The following ATP8B4 variants were observed in gnomAD, a reference collection of about 807,000 sequenced individuals.
ATP8B4 encodes the protein probable phospholipid-transporting ATPase IM.
A neutral mutation model predicts 145.6 loss-of-function variants in ATP8B4; 133 were observed. That is an observed-to-expected ratio of 0.91 (90% CI 0.79 to 1.05). The LOEUF (loss-of-function observed/expected upper bound fraction) is 1.05, where lower values mean the gene tolerates loss of function less well. ATP8B4 is among the 50% of genes least tolerant of loss of function. The probability of loss-of-function intolerance (pLI) is 0.00; values close to 1 mark genes in which losing one functional copy is unlikely to be tolerated. For synonymous variants in ATP8B4, 507 were observed against 492.9 expected (o/e 1.03, Z -0.38); for missense variants, 1,458 against 1,425.2 (o/e 1.02, Z -0.37).
chr15:50,073,010 A>G (rs2053928512), intron 3 of ATP8B4, among the ~76,000 whole-genome samples: 2 of 45,100 alleles, frequency 4.4e-5, no homozygotes, highest in African/African-American at 2.2e-4. Context: ...ATATATATAT[A>G]TATATATATA....
intron 13 of ATP8B4, among the ~76,000 whole-genome samples, chr15:49,969,797 A>G (rs2044917474): frequency 1.3e-5 from 2 of 152,174 alleles, no homozygotes; most frequent in East Asian, 3.8e-4. Flanking sequence ...CCTGATACCA[A>G]AACTGGGAAG....
intron 23 of ATP8B4, 25 bp downstream of exon 23, chr15:49,897,267 C>CAA: frequency 1.3e-6 from 2 of 1,487,172 alleles, no homozygotes; most frequent in South Asian, 2.4e-5. Context: ...AACAAACAAA[C>CAA]AAAAAAAAAC....
intron 1 of ATP8B4, among the ~76,000 whole-genome samples, chr15:50,156,097 TATATATATAA>T (rs1196713282): frequency 3.1e-4 from 8 of 25,614 alleles, no homozygotes; most frequent in South Asian, 1.1e-3. Flanking sequence ...TATATAAATA[TATATATATAA>T]ATATATATAT....
chr15:49,874,856 A>T (rs2034161740), intron 25 of ATP8B4, among the ~76,000 whole-genome samples: 2 of 152,198 alleles, frequency 1.3e-5, no homozygotes, highest in African/African-American at 4.8e-5. Flanking sequence ...TGTGATTTCA[A>T]CATTCAACTG....
intron 16 of ATP8B4, among the ~76,000 whole-genome samples, chr15:49,929,837 A>T (rs1343377573): frequency 6.6e-6 from 1 of 152,094 alleles, no homozygotes; most frequent in African/African-American, 2.4e-5. Flanking sequence ...CAGATTAATA[A>T]GGAAAAGCCA....
intron 5 of ATP8B4, among the ~76,000 whole-genome samples, chr15:50,039,325 A>AT (rs2051090327): frequency 6.6e-6 from 1 of 152,244 alleles, no homozygotes; most frequent in Non-Finnish European, 1.5e-5. Context: ...GATCTTATGA[A>AT]GTACTGAGCA....
Position 49,965,763 on chromosome 15 carries a change from G to T in ATP8B4, c.1244-3743C>A, listed in dbSNP as rs142019634. On this transcript the variant is annotated intron_variant, in intron 13 of 27. Transcript: ENST00000284509. ...ACATAACTCAGGCTACCAAGAACTT[G>T]CCCTCCCTAGGATATGGTTCTATTC... Among the ~76,000 whole-genome samples, 601 of 152,166 alleles carry T rather than the reference G, an allele frequency of 3.9e-3. 5 individuals are homozygous for T. The highest frequency in any genetic ancestry group is 0.014 in the African/African-American group (571 of 41,516).
At chr15:50,003,290 G>C (rs965532449) in intron 7 of ATP8B4, among the ~76,000 whole-genome samples, 1 of 151,662 alleles carries the variant, frequency 6.6e-6, no homozygotes, top group Non-Finnish European at 1.5e-5. Context: ...GTGTGTGTGT[G>C]TGTGTGTGTG....
At chr15:50,151,834 C>T (rs1328270845) in intron 1 of ATP8B4, among the ~76,000 whole-genome samples, 2 of 150,942 alleles carry the variant, frequency 1.3e-5, no homozygotes, top group Admixed American at 6.6e-5. Context: ...TGAACAGTTT[C>T]CAAATTTTTG....
chr15:50,124,244 C>T (rs957938068), intron 1 of ATP8B4, among the ~76,000 whole-genome samples: 21 of 152,146 alleles, frequency 1.4e-4, no homozygotes, highest in Admixed American at 6.5e-5. Context: ...GAGAAGGTAA[C>T]TCAACTCCTC....
intron 1 of ATP8B4, among the ~76,000 whole-genome samples, chr15:50,178,164 G>A (rs2044791489): frequency 6.6e-6 from 1 of 152,130 alleles, no homozygotes; most frequent in Non-Finnish European, 1.5e-5. Flanking sequence ...GGAAAAGAGG[G>A]GTCTAGGAGG....
chr15:50,080,644 G>A (rs893710283), intron 2 of ATP8B4, among the ~76,000 whole-genome samples: 9 of 151,802 alleles, frequency 5.9e-5, no homozygotes, highest in African/African-American at 2.2e-4. Context: ...TGTTGCTTAG[G>A]CTGGTCCCGA....
At chr15:50,061,541 T>C (rs1053616499) in intron 3 of ATP8B4, among the ~76,000 whole-genome samples, 15 of 152,178 alleles carry the variant, frequency 9.9e-5, no homozygotes, top group Non-Finnish European at 1.6e-4. Context: ...TTAATAAGCC[T>C]ATATAAAACT....
intron 3 of ATP8B4, among the ~76,000 whole-genome samples, chr15:50,049,327 A>G (rs1407264212): frequency 3.3e-5 from 5 of 151,968 alleles, no homozygotes; most frequent in Non-Finnish European, 7.4e-5. Flanking sequence ...AGTAATCCCC[A>G]ATGTCTATTG....
intron 1 of ATP8B4, among the ~76,000 whole-genome samples, chr15:50,163,282 T>A (rs370672680): frequency 1.3e-5 from 2 of 152,220 alleles, no homozygotes; most frequent in Non-Finnish European, 2.9e-5. Context: ...TTCCAAGTAT[T>A]CCAAGGCACT....
upstream of ATP8B4, among the ~76,000 whole-genome samples, chr15:50,120,014 A>G (rs551940840): frequency 6.6e-6 from 1 of 152,248 alleles, no homozygotes; most frequent in East Asian, 1.9e-4. Context: ...TGAAAATAAA[A>G]TATTTTGGTG....
chr15:50,134,317 C>A (rs570280996), intron 1 of ATP8B4, among the ~76,000 whole-genome samples: 1 of 152,006 alleles, frequency 6.6e-6, no homozygotes, highest in Non-Finnish European at 1.5e-5. Context: ...GATCAGCGCT[C>A]TTATAAAGGT....
chr15:49,952,771 G>A (rs571435937), intron 14 of ATP8B4, among the ~76,000 whole-genome samples: 1 of 152,280 alleles, frequency 6.6e-6, no homozygotes, highest in East Asian at 1.9e-4. Context: ...TGGAGGTGAA[G>A]AGGTGCTCTA....
At chr15:50,152,552 G>A (rs2153680935) in intron 1 of ATP8B4, among the ~76,000 whole-genome samples, 1 of 152,102 alleles carries the variant, frequency 6.6e-6, no homozygotes, top group South Asian at 2.1e-4. Context: ...AGTCCTTGAG[G>A]CTCTCCCAGG....
Sources: gnomAD v4.1 joint callset for allele counts (sites outside exome capture counted in the v4.1 genomes callset) on GRCh38, gnomAD v4.1.1 for gene constraint, MANE v1.5 for transcripts, NCBI Gene and HGNC (gene_info 2026-07-23, HGNC 2026-07-21) for gene names.